Variants in ABCC12 observed in about 807,000 individuals in gnomAD.
ABCC12 encodes ATP binding cassette subfamily C member 12.
ABCC12 carries 142 observed loss-of-function variants against 151.1 expected under a neutral mutation model. That is an observed-to-expected ratio of 0.94 (90% CI 0.82 to 1.08). ABCC12 has a LOEUF of 1.08. ABCC12 is among the 50% of genes least tolerant of loss of function. ABCC12 has a pLI of 0.00. For missense variants in ABCC12, 1,638 were observed against 1,691.1 expected, an observed-to-expected ratio of 0.97 and a Z score of 0.55; for synonymous variants, 645 against 646.4, an observed-to-expected ratio of 1.00 and a Z score of 0.03.
chr16:48,083,876 C>T, intron 30 of ABCC12, 33 bp downstream of exon 30: 1 of 1,612,834 alleles, frequency 6.2e-7, no homozygotes, highest in Non-Finnish European at 8.5e-7. Flanking sequence ...ACTGGACTTT[C>T]TGGGGAGGTG....
intron 3 of ABCC12, among the ~76,000 whole-genome samples, chr16:48,144,309 T>C (rs1964926707): frequency 6.6e-6 from 1 of 152,178 alleles, no homozygotes; most frequent in African/African-American, 2.4e-5. Flanking sequence ...AAAATTAAAT[T>C]ACCTAAGTTT....
rs1962391282 is a variant in ABCC12 at position 48,082,627 on chromosome 16, G to A, written c.*1088C>T. ...CAACACTTACAAGGGAAGTGGGGTGGGGGGTTGTGGTCTGGAAGCTTTGCT... is the reference window on the plus strand; with the variant it reads ...CAACACTTACAAGGGAAGTGGGGTGAGGGGTTGTGGTCTGGAAGCTTTGCT... On this transcript the variant is annotated 3_prime_UTR_variant, in exon 31 of 31. Coordinates refer to ENST00000311303, the MANE Select transcript of ABCC12 (RefSeq NM_001393797.1). Among the ~76,000 whole-genome samples, 3 of 152,170 alleles carry A rather than the reference G, an allele frequency of 2.0e-5. No individual in the cohort carries two copies. In the South Asian group the frequency reaches 6.2e-4, roughly 32 times the overall value.
In ABCC12 at chr16:48,083,443, G is replaced by C; in HGVS notation, c.*272C>G. 1 of 409,804 alleles carries C rather than the reference G, an allele frequency of 2.4e-6. No individual in the cohort carries two copies. Among genetic ancestry groups the C allele is most frequent in the Non-Finnish European group, 4.3e-6 (1 of 233,522 alleles). The allele number at this position is 409,804 out of a possible 1,614,324, so 25.4% of individuals were successfully genotyped here. ...GGTGGTTTTGGTGAAAACACATGAG[G>C]AACCCTTGGGGATTTGGGAGGTGAA... is the stretch of plus-strand genomic sequence containing the variant. On this transcript the variant is annotated 3_prime_UTR_variant, in exon 31 of 31. Coordinates refer to ENST00000311303, the MANE Select transcript of ABCC12 (RefSeq NM_001393797.1).
intron 15 of ABCC12, among the ~76,000 whole-genome samples, chr16:48,112,928 T>C (rs1963749853): frequency 6.6e-6 from 1 of 152,170 alleles, no homozygotes; most frequent in Non-Finnish European, 1.5e-5. Flanking sequence ...TTCATTTCCA[T>C]ATCATTCCTG....
At chr16:48,090,658 C>A (rs890883196) in intron 25 of ABCC12, among the ~76,000 whole-genome samples, 13 of 152,150 alleles carry the variant, frequency 8.5e-5, no homozygotes, top group African/African-American at 2.9e-4. Flanking sequence ...ACAAGAACTT[C>A]AGAATGTATT....
rs1050351289 is a variant in ABCC12 at position 48,121,811 on chromosome 16, G to T, written c.1617C>A (p.Val539=). ...GTGAAACGTAGGCCAAAGTTCCATT[G>T]ACTGCCACCACCCCTTTCTGCAGCT... ...QMQLQKGVVA[V]NGTLAYVSQQ... is the part of the protein sequence containing the mutation. Residue 539 remains valine (V), a synonymous_variant, in exon 13 of 31, where the codon GTC becomes GTA. Coordinates refer to ENST00000311303, the MANE Select transcript of ABCC12 (RefSeq NM_001393797.1). 3.7e-6 allele frequency: 6 copies of T among 1,614,136 alleles called. No individual in the cohort carries two copies. The South Asian group carries it at 6.6e-5, about 18-fold the overall frequency.
chr16:48,112,334 A>C (rs1284227738), intron 15 of ABCC12, among the ~76,000 whole-genome samples: 1 of 152,084 alleles, frequency 6.6e-6, no homozygotes, highest in East Asian at 1.9e-4. Flanking sequence ...AGTGGCTCAC[A>C]CCTGTAGTCC....
intron 24 of ABCC12, 30 bp from the exon 25 acceptor site, chr16:48,091,239 A>T: frequency 6.2e-7 from 1 of 1,604,248 alleles, no homozygotes; most frequent in Non-Finnish European, 8.5e-7. Context: ...AGCCGCAGTT[A>T]GAGCCCCTTC....
At position 48,132,892 on chromosome 16, in the gene ABCC12, C is replaced by T. The variant is rs143076898; in HGVS notation, c.1128+795G>A. Among the ~76,000 whole-genome samples, 356 of 152,232 alleles carry T rather than the reference C, an allele frequency of 2.3e-3. 1 individual carries two copies. The highest frequency in any genetic ancestry group is 7.8e-3 in the African/African-American group (322 of 41,546). On this transcript the variant is annotated intron_variant, in intron 9 of 30. Coordinates refer to ENST00000311303, the MANE Select transcript of ABCC12 (RefSeq NM_001393797.1). ...CCATTTGCAGATTACAAAACCGAGG[C>T]CAGAGAGGCTCAATGATTTGCTATA... is the stretch of plus-strand genomic sequence containing the variant.
chr16:48,126,651 T>C (rs1166762658), intron 11 of ABCC12, among the ~76,000 whole-genome samples: 1 of 152,184 alleles, frequency 6.6e-6, no homozygotes, highest in Non-Finnish European at 1.5e-5. Context: ...ATGAAATGCA[T>C]GGTGCTGGTA....
At chr16:48,086,966 A>T in intron 27 of ABCC12, 147 bp from the exon 28 acceptor site, 3 of 681,646 alleles carry the variant, frequency 4.4e-6, no homozygotes, top group Non-Finnish European at 5.2e-6. Context: ...AGTACAGGAC[A>T]GTGGTCCACA....
chr16:48,146,243 C>T (rs1964996251), intron 3 of ABCC12, 63 bp downstream of exon 3: 1 of 1,496,596 alleles, frequency 6.7e-7, no homozygotes, highest in South Asian at 1.1e-5. Flanking sequence ...AGTGCCCACT[C>T]TCCTGATGGA....
intron 13 of ABCC12, chr16:48,121,448 A>C (rs1302039868): frequency 2.8e-6 from 1 of 361,028 alleles, no homozygotes. Context: ...TGTTGCAGAG[A>C]ACCTCGGAAC....
At chr16:48,085,087 C>T (rs1962527849) in intron 29 of ABCC12, among the ~76,000 whole-genome samples, 3 of 152,250 alleles carry the variant, frequency 2.0e-5, no homozygotes, top group Admixed American at 6.5e-5. Context: ...CTAGAGAATA[C>T]ACACAATGGG....
chr16:48,112,120 A>G (rs1013304631), intron 15 of ABCC12, among the ~76,000 whole-genome samples: 1 of 152,086 alleles, frequency 6.6e-6, no homozygotes, highest in African/African-American at 2.4e-5. Context: ...AGGTGTGACA[A>G]GCAATGATGT....
chr16:48,125,156 A>G (rs1567453469), intron 11 of ABCC12, among the ~76,000 whole-genome samples: 1 of 152,180 alleles, frequency 6.6e-6, no homozygotes, highest in Non-Finnish European at 1.5e-5. Flanking sequence ...TCCAGTAGGG[A>G]AGAGGAGAAG....
At position 48,086,757 on chromosome 16, in the gene ABCC12, G is replaced by GT. The variant is rs1320211125; in HGVS notation, c.3697dup (p.Thr1233AsnfsTer42). On this transcript the variant is annotated frameshift_variant, in exon 28 of 31. Coordinates refer to ENST00000311303, the MANE Select transcript of ABCC12 (RefSeq NM_001393797.1). LOFTEE classifies it high-confidence loss of function. ...GAGACCTACTGTGTCTCTCATGAAT[G>GT]TTCTCTCCAGAACCTGCCAGAGCAT... 6.2e-7 allele frequency: 1 copy of GT among 1,613,546 alleles called. No homozygotes were observed. The highest frequency in any genetic ancestry group is 1.3e-5 in the African/African-American group (1 of 74,898).
At position 48,081,574 on chromosome 16, in the gene ABCC12, C is replaced by T. The variant is rs1176575564; in HGVS notation, c.*2141G>A. On this transcript the variant is annotated 3_prime_UTR_variant, in exon 31 of 31. Coordinates refer to ENST00000311303, the MANE Select transcript of ABCC12 (RefSeq NM_001393797.1). ...GGGCATCTGTAGATAAGTTACTAACCTCAGTGAGCCTCAAATCCCATCTCA... is the reference window on the plus strand; with the variant it reads ...GGGCATCTGTAGATAAGTTACTAACTTCAGTGAGCCTCAAATCCCATCTCA... Among the ~76,000 whole-genome samples the T allele has an allele frequency of 1.3e-5, 2 of 152,180 alleles. No individual in the cohort carries two copies. The highest frequency in any genetic ancestry group is 2.9e-5 in the Non-Finnish European group (2 of 68,036).
rs774207409 is a variant in ABCC12 at position 48,111,429 on chromosome 16, T to C, written c.2281+7A>G. Reference sequence around the variant, plus strand: ...TGTATGTGACTGAGGGGATGTGTGGTAAATACCTTTTGTGTCTACAAATTC... The same window carrying C: ...TGTATGTGACTGAGGGGATGTGTGGCAAATACCTTTTGTGTCTACAAATTC... On this transcript the variant is annotated splice_region_variant and intron_variant, in intron 18 of 30. Coordinates refer to ENST00000311303, the MANE Select transcript of ABCC12 (RefSeq NM_001393797.1). The C allele has an allele frequency of 3.7e-6, 6 of 1,613,696 alleles. No homozygotes were observed. The East Asian group carries it at 1.3e-4, about 36-fold the overall frequency.
Sources: allele counts gnomAD v4.1 joint callset (sites outside exome capture counted in the v4.1 genomes callset), GRCh38; gene constraint gnomAD v4.1.1; transcripts MANE v1.5; gene names NCBI Gene and HGNC (gene_info 2026-07-23, HGNC 2026-07-21).